CDC40: variants seen among roughly 807,000 people sequenced by gnomAD.
CDC40 encodes pre-mRNA-processing factor 17.
Under a neutral mutation model 80.6 loss-of-function variants are expected in CDC40, and 27 were observed. The ratio of observed to expected loss-of-function variants is 0.33; its 90% CI spans 0.25 to 0.46. CDC40 has a LOEUF of 0.46. CDC40 is among the 20% of genes least tolerant of loss of function. The probability of loss-of-function intolerance (pLI) is 1.00; values close to 1 mark genes in which losing one functional copy is unlikely to be tolerated. For missense variants in CDC40, 486 were observed against 694.1 expected (o/e 0.70, Z 3.37); for synonymous variants, 221 against 232.6 (o/e 0.95, Z 0.45).
In CDC40 at chr6:110,180,511, G is replaced by C; in HGVS notation, c.67G>C (p.Asp23His). Reference protein sequence around the residue: ...GSGSGSESDSDSESSRCPLPA... With the variant: ...GSGSGSESDSHSESSRCPLPA... The stretch of plus-strand genomic sequence containing the variant: ...GGGTTCAGGGTCCGAATCGGACTCG[G>C]ACAGTGAGAGCAGTCGGTGTCCGCT... Residue 23 changes from aspartate to histidine, a missense_variant, in exon 1 of 15, where the codon GAC (aspartate) becomes CAC (histidine). This residue lies in a region of CDC40 where 381 missense variants were observed against 492.1 expected (regional missense o/e 0.77). Transcript: ENST00000307731. 1 of 1,614,186 alleles carries C rather than the reference G, an allele frequency of 6.2e-7. No homozygotes were observed. Among genetic ancestry groups the C allele is most frequent in the South Asian group, 1.1e-5 (1 of 91,084 alleles).
chr6:110,214,449 TAAAGGATGAGGA>T (rs1055002637), intron 8 of CDC40, among the ~76,000 whole-genome samples: 3 of 152,114 alleles, frequency 2.0e-5, no homozygotes, highest in Non-Finnish European at 4.4e-5. Context: ...GTTAACTAAG[TAAAGGATGAGGA>T]AACAGGAGTA....
chr6:110,225,943 G>A (rs1374350827), intron 12 of CDC40, among the ~76,000 whole-genome samples: 6 of 152,296 alleles, frequency 3.9e-5, no homozygotes, highest in Admixed American at 3.9e-4. Context: ...CACCACCACT[G>A]TTATAATGAT....
At position 110,180,513 on chromosome 6, in the gene CDC40, C is replaced by T. The variant is rs769295192; in HGVS notation, c.69C>T (p.Asp23=). 1 of 1,614,194 alleles carries T rather than the reference C, an allele frequency of 6.2e-7. No individual in the cohort carries two copies. The highest frequency in any genetic ancestry group is 8.5e-7 in the Non-Finnish European group (1 of 1,180,030). Residue 23 remains aspartate (D), a synonymous_variant, in exon 1 of 15, where the codon GAC becomes GAT. Coordinates refer to ENST00000307731, the MANE Select transcript of CDC40 (RefSeq NM_015891.3). The stretch of plus-strand genomic sequence containing the variant: ...GTTCAGGGTCCGAATCGGACTCGGA[C>T]AGTGAGAGCAGTCGGTGTCCGCTGC... ...GSGSGSESDS[D]SESSRCPLPA... is the part of the protein sequence containing the mutation.
chr6:110,208,043 A>G (rs1777588060), intron 4 of CDC40, among the ~76,000 whole-genome samples: 1 of 152,212 alleles, frequency 6.6e-6, no homozygotes, highest in Non-Finnish European at 1.5e-5. Flanking sequence ...GTATGCTTGT[A>G]TTCATATTCA....
At chr6:110,211,891 T>G (rs1452651335) in intron 6 of CDC40, 4 of 406,486 alleles carry the variant, frequency 9.8e-6, no homozygotes, top group African/African-American at 8.1e-5. Context: ...AGATATTATC[T>G]AAAGGTCTAT....
intron 13 of CDC40, 90 bp from the exon 14 acceptor site, chr6:110,228,740 CTT>C: frequency 2.0e-6 from 2 of 975,750 alleles, no homozygotes; most frequent in Middle Eastern, 3.4e-4. Flanking sequence ...GGGAGCAAAA[CTT>C]ATATTAATCA....
At chr6:110,205,737 G>T (rs1050075860) in intron 3 of CDC40, among the ~76,000 whole-genome samples, 2 of 152,164 alleles carry the variant, frequency 1.3e-5, no homozygotes, top group Non-Finnish European at 2.9e-5. Context: ...TCCTTTCAAA[G>T]TAGAAATTTA....
Position 110,219,720 on chromosome 6 carries a change from C to G in CDC40, c.1207-16C>G. 6.2e-7 allele frequency: 1 copy of G among 1,607,522 alleles called. No individual in the cohort carries two copies. The highest frequency in any genetic ancestry group is 8.5e-7 in the Non-Finnish European group (1 of 1,178,104). Reference sequence around the variant, plus strand: ...CTCTACTTCTGTCTTTACCTTTTTTCTTGCCTGATACACAGTGGGACATTC... The same window carrying G: ...CTCTACTTCTGTCTTTACCTTTTTTGTTGCCTGATACACAGTGGGACATTC... On this transcript the variant is annotated splice_polypyrimidine_tract_variant and intron_variant, in intron 11 of 14. Coordinates refer to ENST00000307731, the MANE Select transcript of CDC40 (RefSeq NM_015891.3).
At chr6:110,204,326 A>T (rs1377179563) in intron 3 of CDC40, among the ~76,000 whole-genome samples, 1 of 152,114 alleles carries the variant, frequency 6.6e-6, no homozygotes, top group Non-Finnish European at 1.5e-5. Flanking sequence ...TAACATTTTT[A>T]AATGATTTTT....
intron 1 of CDC40, among the ~76,000 whole-genome samples, chr6:110,182,357 G>A (rs1777209664): frequency 6.6e-6 from 1 of 152,166 alleles, no homozygotes; most frequent in Non-Finnish European, 1.5e-5. Context: ...ATCTCCCACA[G>A]TAATTGTACA....
At chr6:110,228,786 A>G in intron 13 of CDC40, 46 bp from the exon 14 acceptor site, 1 of 1,476,270 alleles carries the variant, frequency 6.8e-7, no homozygotes, top group Non-Finnish European at 9.1e-7. Flanking sequence ...AGTTTTAAAA[A>G]TTGTTTTAGT....
At chr6:110,200,755 G>A (rs894988567) in intron 2 of CDC40, among the ~76,000 whole-genome samples, 4 of 152,004 alleles carry the variant, frequency 2.6e-5, no homozygotes, top group African/African-American at 9.7e-5. Flanking sequence ...ATTGCCTTTG[G>A]GGGTTTTTTC....
At chr6:110,198,179 C>CTTT (rs559909824) in intron 2 of CDC40, among the ~76,000 whole-genome samples, 10 of 136,692 alleles carry the variant, frequency 7.3e-5, no homozygotes, top group South Asian at 2.3e-4. Context: ...TACCTGTTGA[C>CTTT]TTTTTTTTTT....
At chr6:110,188,368 AT>A (rs1777302141) in intron 1 of CDC40, among the ~76,000 whole-genome samples, 1 of 152,198 alleles carries the variant, frequency 6.6e-6, no homozygotes, top group Non-Finnish European at 1.5e-5. Flanking sequence ...AGTTTAAACA[AT>A]TTGTATGTAA....
chr6:110,220,611 A>AT (rs1777760807), intron 12 of CDC40, among the ~76,000 whole-genome samples: 1 of 151,760 alleles, frequency 6.6e-6, no homozygotes, highest in Non-Finnish European at 1.5e-5. Context: ...CGCCCGGCTA[A>AT]TTTTTTGTAT....
At chr6:110,198,759 T>G (rs575816798) in intron 2 of CDC40, among the ~76,000 whole-genome samples, 1 of 152,344 alleles carries the variant, frequency 6.6e-6, no homozygotes, top group Admixed American at 6.5e-5. Flanking sequence ...ACATTCACAT[T>G]TATGTTATGT....
chr6:110,182,059 G>T (rs1386709674), intron 1 of CDC40, among the ~76,000 whole-genome samples: 1 of 152,170 alleles, frequency 6.6e-6, no homozygotes, highest in South Asian at 2.1e-4. Context: ...ACCGTGAAAT[G>T]GTTAGCACAG....
chr6:110,196,954 G>A (rs547208741), intron 2 of CDC40, among the ~76,000 whole-genome samples: 9 of 152,206 alleles, frequency 5.9e-5, no homozygotes, highest in African/African-American at 2.2e-4. Flanking sequence ...TATATGTTCA[G>A]TAATTTGGGT....
intron 12 of CDC40, among the ~76,000 whole-genome samples, chr6:110,223,291 G>T (rs1777802503): frequency 1.3e-5 from 2 of 152,156 alleles, no homozygotes; most frequent in East Asian, 3.9e-4. Flanking sequence ...CACTCTGTTT[G>T]CTGGGCTGGT....
Sources: allele counts gnomAD v4.1 joint callset (sites outside exome capture counted in the v4.1 genomes callset), GRCh38; gene constraint gnomAD v4.1.1; regional missense constraint gnomAD v4.1.1; transcripts MANE v1.5; gene names NCBI Gene and HGNC (gene_info 2026-07-23, HGNC 2026-07-21).